Variants in KIF12 observed in about 807,000 individuals in gnomAD.
The protein encoded by KIF12 is kinesin family member 12.
KIF12 carries 80 observed loss-of-function variants against 87.9 expected under a neutral mutation model. That is an observed-to-expected ratio of 0.91 (90% CI 0.76 to 1.10). The LOEUF (loss-of-function observed/expected upper bound fraction) is 1.10, where lower values mean the gene tolerates loss of function less well. Ranked by LOEUF, KIF12 falls within the 50% of genes least tolerant of loss-of-function variation. The pLI is 0.00. For synonymous variants in KIF12, 353 were observed against 348.5 expected, an observed-to-expected ratio of 1.01 and a Z score of -0.14; for missense variants, 819 against 865.3, an observed-to-expected ratio of 0.95 and a Z score of 0.67.
chr9:114,097,803 A>C (rs1204919088), intron 5 of KIF12, 62 bp from the exon 6 acceptor site: 5 of 1,552,138 alleles, frequency 3.2e-6, no homozygotes, highest in Non-Finnish European at 4.4e-6. Flanking sequence ...TCTGTAGCGC[A>C]TGTATGATAC....
chr9:114,097,888 T>C (rs1847304014), intron 5 of KIF12, 147 bp from the exon 6 acceptor site: 3 of 1,076,346 alleles, frequency 2.8e-6, no homozygotes, highest in Admixed American at 2.8e-5. Flanking sequence ...ACTTCCATTT[T>C]ACAGATGAGA....
In KIF12 at chr9:114,093,491, G is replaced by A. The variant is rs1186443988; in HGVS notation, c.1407C>T (p.Leu469=). 3 of 1,556,448 alleles carry A rather than the reference G, an allele frequency of 1.9e-6. No individual in the cohort carries two copies. Among genetic ancestry groups the A allele is most frequent in the African/African-American group, 1.4e-5 (1 of 73,522 alleles). ...GCTGGTGATGGTAGCAGGCAGAGAG[G>A]AGACGCCTAGAAAGAACAGCAGGGT... The part of the protein sequence containing the change: ...AQQVHALERR[L]LSACYHHQQG... Residue 469 remains leucine, a synonymous_variant, in exon 15 of 19, where the codon CTC becomes CTT. Coordinates refer to ENST00000640217, the MANE Select transcript of KIF12 (RefSeq NM_001388308.1).
intron 3 of KIF12, 87 bp downstream of exon 3, chr9:114,098,848 G>C: frequency 6.9e-7 from 1 of 1,443,024 alleles, no homozygotes; most frequent in Admixed American, 2.0e-5. Context: ...CCGGGGGAGC[G>C]CGGGGCCTAG....
intron 5 of KIF12, 168 bp from the exon 6 acceptor site, chr9:114,097,909 C>T: frequency 9.9e-7 from 1 of 1,009,290 alleles, no homozygotes; most frequent in East Asian, 2.6e-5. Flanking sequence ...AAACTGAGAG[C>T]TAGGAAGGGG....
In KIF12 at chr9:114,098,133, C is replaced by G. The variant is rs982700198; in HGVS notation, c.357G>C (p.Leu119=). Residue 119 remains leucine (L), a synonymous_variant, in exon 5 of 19, where the codon CTG becomes CTC. Transcript: ENST00000640217. ...GQTGSGKTYT[L]TGPPPQGEGV... ...CGCTCACCTGGGGAGGGGGTCCAGT[C>G]AGGGTGTAGGTCTTCCCAGAGCCCG... 4 of 1,547,908 alleles carry G rather than the reference C, an allele frequency of 2.6e-6. No individual in the cohort carries two copies. The highest frequency in any genetic ancestry group is 3.5e-6 in the Non-Finnish European group (4 of 1,146,308).
At position 114,093,509 on chromosome 9, in the gene KIF12, A is replaced by G; in HGVS notation, c.1401-12T>C. ...CAGAGAGGAGACGCCTAGAAAGAAC[A>G]GCAGGGTCTATGCCTGCAGCCTCCA... On this transcript the variant is annotated splice_polypyrimidine_tract_variant and intron_variant, in intron 14 of 18. Transcript: ENST00000640217. 2 of 1,549,470 alleles carry G rather than the reference A, an allele frequency of 1.3e-6. No homozygotes were observed. Among genetic ancestry groups the G allele is most frequent in the Non-Finnish European group, 1.7e-6 (2 of 1,144,800 alleles).
Position 114,096,453 on chromosome 9 carries a change from G to A in KIF12, c.672C>T (p.Ala224=), listed in dbSNP as rs893790745. The A allele has an allele frequency of 3.7e-6, 6 of 1,612,406 alleles. No individual in the cohort carries two copies. Among genetic ancestry groups the A allele is most frequent in the Non-Finnish European group, 3.4e-6 (4 of 1,179,402 alleles). The stretch of plus-strand genomic sequence containing the variant: ...GGCTGGAGGCCTGGTTCAGGGTGTG[G>A]GCTGAGTTCCTTCGACGGCTGAGAC... The part of the protein sequence containing the change: ...QTGLSRRRNS[A]HTLNQASSRS... The change falls in exon 8 of 19, where the codon GCC becomes GCT. Residue 224 remains alanine (A), a synonymous_variant. Coordinates refer to ENST00000640217, the MANE Select transcript of KIF12 (RefSeq NM_001388308.1).
rs757424550 is a variant in KIF12 at position 114,092,462 on chromosome 9, G to A, written c.1698-11C>T. The A allele has an allele frequency of 3.1e-6, 5 of 1,613,622 alleles. No individual in the cohort carries two copies. In the East Asian group the frequency reaches 8.9e-5, roughly 29 times the overall value. ...CAGTCACTGTGACTCCTGGGCCAGG[G>A]TGAGTTGGGAGATGGGAGGTGAGCC... On this transcript the variant is annotated splice_polypyrimidine_tract_variant and intron_variant, in intron 17 of 18. Coordinates refer to ENST00000640217, the MANE Select transcript of KIF12 (RefSeq NM_001388308.1).
chr9:114,093,782 T>C, intron 14 of KIF12, 104 bp downstream of exon 14: 1 of 959,294 alleles, frequency 1.0e-6, no homozygotes, highest in Non-Finnish European at 1.6e-6. Context: ...CTGAACCTAG[T>C]TGGTCTGAAT....
chr9:114,095,724 C>G (rs1376090165), intron 9 of KIF12, among the ~76,000 whole-genome samples: 2 of 152,228 alleles, frequency 1.3e-5, no homozygotes, highest in African/African-American at 4.8e-5. Flanking sequence ...CAAGTCCCTT[C>G]CCCTTACTAG....
Position 114,094,399 on chromosome 9 carries a change from C to T in KIF12, c.1176G>A (p.Glu392=). Residue 392 remains glutamate (E), a synonymous_variant, in exon 12 of 19, where the codon GAG becomes GAA. Transcript: ENST00000640217. ...RLETEMLQLQ[E]ENRRLQFQLD... is the part of the protein sequence containing the mutation. ...GCTGGAACTGCAGGCGACGGTTCTCCTCCTGGAGCTGCAGCATCTCTGTCT... is the reference window on the plus strand; with the variant it reads ...GCTGGAACTGCAGGCGACGGTTCTCTTCCTGGAGCTGCAGCATCTCTGTCT... The T allele has an allele frequency of 6.2e-7, 1 of 1,614,088 alleles. No individual in the cohort carries two copies. Among genetic ancestry groups the T allele is most frequent in the Non-Finnish European group, 8.5e-7 (1 of 1,179,946 alleles).
rs1385679925 is a variant in KIF12, at chr9:114,098,953, T to C, written c.153A>G (p.Ser51=). The C allele has an allele frequency of 1.3e-6, 2 of 1,549,668 alleles. No individual in the cohort carries two copies. The highest frequency in any genetic ancestry group is 8.7e-7 in the Non-Finnish European group (1 of 1,146,426). ...RRGQQSVLHC[S]GTRTLQVSPP... Reference sequence around the variant, plus strand: ...TCCTCACCTGCAGAGTCCGGGTCCCTGAGCAGTGCAGCACGCTCTGCTGCC... The same window carrying C: ...TCCTCACCTGCAGAGTCCGGGTCCCCGAGCAGTGCAGCACGCTCTGCTGCC... The change falls in exon 3 of 19, where the codon TCA becomes TCG. Residue 51 remains serine, a synonymous_variant. Coordinates refer to ENST00000640217, the MANE Select transcript of KIF12 (RefSeq NM_001388308.1).
intron 16 of KIF12, 82 bp from the exon 17 acceptor site, chr9:114,092,724 C>A: frequency 6.6e-7 from 1 of 1,516,958 alleles, no homozygotes; most frequent in Non-Finnish European, 8.8e-7. Context: ...AGCCATGACA[C>A]CCCACCATGC....
chr9:114,093,070 G>A (rs1847062269), intron 16 of KIF12, among the ~76,000 whole-genome samples, 159 bp downstream of exon 16: 1 of 152,122 alleles, frequency 6.6e-6, no homozygotes, highest in African/African-American at 2.4e-5. Context: ...GAGGCAAACA[G>A]CTATTTCAAA....
chr9:114,094,211 T>C lies in KIF12; in HGVS notation c.1283A>G (p.Gln428Arg). 13 of 1,613,954 alleles carry C rather than the reference T, an allele frequency of 8.1e-6. No homozygotes were observed. Among genetic ancestry groups the C allele is most frequent in the South Asian group, 1.1e-5 (1 of 91,074 alleles). Residue 428 changes from glutamine to arginine, a missense_variant, in exon 13 of 19, where the codon CAG becomes CGG. Physicochemically the swap from Gln to Arg is conservative, Grantham distance 43. Transcript: ENST00000640217. Reference protein sequence around the residue: ...WAQRNLYGMLQEFMLENERLR... With the variant: ...WAQRNLYGMLREFMLENERLR... ...CCTCTCATTCTCTAGCATGAACTCC[T>C]GTAGCATCCCGTACAGGTTCCGCTG...
rs564811653 is a variant in KIF12 at position 114,095,118 on chromosome 9, C to A, written c.1024G>T (p.Val342Leu). Reference sequence around the variant, plus strand: ...GGAAGGCACTGGGCTGAGGGGGACACGCAGGCCACCTGGGGAGTGCACTCC... The same window carrying A: ...GGAAGGCACTGGGCTGAGGGGGACAAGCAGGCCACCTGGGGAGTGCACTCC... ...GRGVTLMVAC[V>L]SPSAQCLPET... Residue 342 changes from valine to leucine, a missense_variant, in exon 11 of 19, where the codon GTG (valine) becomes TTG (leucine). Transcript: ENST00000640217. 4 of 1,606,376 alleles carry A rather than the reference C, an allele frequency of 2.5e-6. No individual in the cohort carries two copies. The East Asian group carries it at 8.9e-5, about 36-fold the overall frequency.
In KIF12 at chr9:114,096,403, TA is replaced by T. The variant is rs1210214908; in HGVS notation, c.721del (p.Tyr241ThrfsTer35). The T allele has an allele frequency of 1.9e-6, 3 of 1,612,698 alleles. No homozygotes were observed. The highest frequency in any genetic ancestry group is 2.5e-6 in the Non-Finnish European group (3 of 1,179,632). On this transcript the variant is annotated frameshift_variant, in exon 8 of 19. Transcript: ENST00000640217. LOFTEE classifies it high-confidence loss of function. ...SSRSHALLTL[Y>X]ISRQTAQQMP... ...AGCACTCACAGTTTGACGGCTGATG[TA>T]AAGGGTGAGCAGGGCATGGCTTCGG...
rs1284607225 is a variant in KIF12 at position 114,098,337 on chromosome 9, G to A, written c.264C>T (p.Cys88=). Residue 88 remains cysteine (C), a synonymous_variant, in exon 4 of 19, where the codon TGC becomes TGT. Transcript: ENST00000640217. ...CCAGCTCCCCCAGGCGCCGCACGCCGCACGCCCGGAACACGTCCTCCTGCG... is the reference window on the plus strand; with the variant it reads ...CCAGCTCCCCCAGGCGCCGCACGCCACACGCCCGGAACACGTCCTCCTGCG... ...ARTQEDVFRA[C]GVRRLGELAL... 6 of 1,485,228 alleles carry A rather than the reference G, an allele frequency of 4.0e-6. No individual in the cohort carries two copies. Among genetic ancestry groups the A allele is most frequent in the Middle Eastern group, 4.6e-4 (2 of 4,340 alleles). 92.0% of individuals were successfully genotyped at this position (1,485,228 alleles called of 1,614,324 possible).
At position 114,097,287 on chromosome 9, in the gene KIF12, C is replaced by T. The variant is rs763193882; in HGVS notation, c.646+14G>A. ...GCACCCCTACCCGCAAAACTCCCCG[C>T]TGTCAGCACACACCCGTTTGCAAAA... On this transcript the variant is annotated intron_variant, in intron 7 of 18. Coordinates refer to ENST00000640217, the MANE Select transcript of KIF12 (RefSeq NM_001388308.1). 1.2e-6 allele frequency: 2 copies of T among 1,606,220 alleles called. No individual in the cohort carries two copies. The highest frequency in any genetic ancestry group is 2.2e-5 in the East Asian group (1 of 44,678).
Sources: allele counts gnomAD v4.1 joint callset (sites outside exome capture counted in the v4.1 genomes callset), GRCh38; gene constraint gnomAD v4.1.1; transcripts MANE v1.5; gene names NCBI Gene and HGNC (gene_info 2026-07-23, HGNC 2026-07-21).